ZNF438: variants seen among roughly 807,000 people sequenced by gnomAD.
ZNF438 encodes the protein zinc finger protein 438.
Under a neutral mutation model 38.0 loss-of-function variants are expected in ZNF438, and 25 were observed. That is an observed-to-expected ratio of 0.66 (90% CI 0.48 to 0.92). ZNF438 has a LOEUF of 0.92. Among genes scored for constraint, ZNF438 ranks in the 40% least tolerant of loss-of-function variants. The pLI is 0.00. For synonymous variants in ZNF438, 372 were observed against 364.1 expected, an observed-to-expected ratio of 1.02 and a Z score of -0.25; for missense variants, 1,007 against 999.6, an observed-to-expected ratio of 1.01 and a Z score of -0.10.
At chr10:30,845,195 G>A in exon 6 of ZNF438, 1 of 1,614,196 alleles carries the variant, frequency 6.2e-7, no homozygotes, top group Non-Finnish European at 8.5e-7. Flanking sequence ...CCCTTGGCTT[G>A]TTGGTTCCTG....
chr10:30,848,817 T>G, exon 5 of ZNF438: 1 of 1,614,226 alleles, frequency 6.2e-7, no homozygotes. Context: ...CGTCTGTTGG[T>G]GTGTGTATTC....
intron 2 of ZNF438, among the ~76,000 whole-genome samples, chr10:30,928,127 G>A (rs530396488): frequency 2.0e-5 from 3 of 152,132 alleles, no homozygotes; most frequent in South Asian, 4.2e-4. Context: ...AAAGAGAGGC[G>A]ACGGAACTCC....
At chr10:30,889,113 C>T (rs1260827310) in intron 3 of ZNF438, among the ~76,000 whole-genome samples, 1 of 152,154 alleles carries the variant, frequency 6.6e-6, no homozygotes, top group African/African-American at 2.4e-5. Context: ...TAATAGTACT[C>T]ATCATTTGCT....
chr10:30,964,554 G>A (rs998834807), intron 1 of ZNF438, among the ~76,000 whole-genome samples: 1 of 152,218 alleles, frequency 6.6e-6, no homozygotes, highest in African/African-American at 2.4e-5. Context: ...GCAAGTATTT[G>A]TTGACTGACG....
exon 5 of ZNF438, chr10:30,849,159 T>C: frequency 6.2e-7 from 1 of 1,613,876 alleles, no homozygotes; most frequent in Non-Finnish European, 8.5e-7. Flanking sequence ...GGATCATTTT[T>C]TACTCTTTCT....
intron 1 of ZNF438, among the ~76,000 whole-genome samples, chr10:30,954,121 C>T (rs1052819063): frequency 6.6e-5 from 10 of 152,034 alleles, no homozygotes; most frequent in South Asian, 2.1e-4. Context: ...CCAGCCCAGG[C>T]GACAGTGCGA....
intron 4 of ZNF438, among the ~76,000 whole-genome samples, chr10:30,851,127 G>A (rs1229325106): frequency 6.6e-6 from 1 of 152,156 alleles, no homozygotes; most frequent in Non-Finnish European, 1.5e-5. Context: ...AAAACAGAAA[G>A]ATACAAAGTG....
At chr10:30,881,589 C>T (rs1709293822) in intron 3 of ZNF438, among the ~76,000 whole-genome samples, 1 of 151,948 alleles carries the variant, frequency 6.6e-6, no homozygotes, top group Admixed American at 6.6e-5. Context: ...CAATGTGATC[C>T]TAATCAAAAT....
intron 4 of ZNF438, among the ~76,000 whole-genome samples, chr10:30,862,189 T>TC (rs2035694391): frequency 6.6e-6 from 1 of 152,316 alleles, no homozygotes; most frequent in Non-Finnish European, 1.5e-5. Context: ...CAGCTGTTTC[T>TC]CAATGGGGCT....
chr10:31,010,892 G>GAAAAAAAAAAAAAAAAAAA (rs563189482), intron 1 of ZNF438, among the ~76,000 whole-genome samples: 3 of 92,594 alleles, frequency 3.2e-5, no homozygotes, highest in African/African-American at 1.1e-4. Context: ...GACCCTGTTT[G>GAAAAAAAAAAAAAAAAAAA]AAAAAAAAAA....
chr10:30,939,009 T>G (rs960288775), intron 2 of ZNF438, among the ~76,000 whole-genome samples: 1 of 152,024 alleles, frequency 6.6e-6, no homozygotes, highest in Non-Finnish European at 1.5e-5. Flanking sequence ...TTAGCCAGGA[T>G]GGTCTCAATC....
rs148015743 is a variant in ZNF438 at position 30,985,117 on chromosome 10, T to C, written c.-191-43466A>G. Among the ~76,000 whole-genome samples the C allele has an allele frequency of 6.0e-4, 92 of 152,302 alleles. 1 individual carries two copies. In the East Asian group the frequency reaches 0.011, roughly 19 times the overall value. Reference sequence around the variant, plus strand: ...CACCTAGCAGTAACCCATTTCTAAATGTACTAAATGTACTGTAACTGATAC... The same window carrying C: ...CACCTAGCAGTAACCCATTTCTAAACGTACTAAATGTACTGTAACTGATAC... On this transcript the variant is annotated intron_variant, in intron 1 of 5. Coordinates refer to ENST00000413025, the Ensembl canonical transcript of ZNF438.
intron 2 of ZNF438, chr10:30,923,339 T>C (rs994450296): frequency 3.3e-5 from 5 of 152,362 alleles, no homozygotes; most frequent in African/African-American, 9.6e-5. Context: ...ATCATCTTTT[T>C]CTCTTGTACT....
exon 6 of ZNF438, chr10:30,845,244 T>C (rs1341396423): frequency 1.9e-6 from 3 of 1,614,052 alleles, no homozygotes; most frequent in Admixed American, 1.7e-5. Flanking sequence ...TTCCACGCCA[T>C]TCTGATGAAG....
intron 1 of ZNF438, among the ~76,000 whole-genome samples, chr10:30,948,214 AAACAG>A (rs1198918329): frequency 6.6e-6 from 1 of 152,206 alleles, no homozygotes; most frequent in Non-Finnish European, 1.5e-5. Context: ...GAAAACTAAC[AAACAG>A]AAAAGACATC....
chr10:30,933,151 T>C (rs1178160669), intron 2 of ZNF438, among the ~76,000 whole-genome samples: 1 of 152,246 alleles, frequency 6.6e-6, no homozygotes, highest in Admixed American at 6.5e-5. Context: ...CCAATCAATT[T>C]GCTATTTCCA....
At chr10:30,960,295 A>G (rs1034058805) in intron 1 of ZNF438, among the ~76,000 whole-genome samples, 1 of 147,080 alleles carries the variant, frequency 6.8e-6, no homozygotes, top group African/African-American at 2.4e-5. Flanking sequence ...CAAATTCATC[A>G]ATTTTTTATC....
At position 30,979,420 on chromosome 10, in the gene ZNF438, T is replaced by G. The variant is rs1170606328; in HGVS notation, c.-191-37769A>C. 2.0e-5 allele frequency among the ~76,000 whole-genome samples: 3 copies of G among 152,150 alleles called. No individual in the cohort carries two copies. The East Asian group carries it at 5.8e-4, about 29-fold the overall frequency. On this transcript the variant is annotated intron_variant, in intron 1 of 5. Coordinates refer to ENST00000413025, the Ensembl canonical transcript of ZNF438. ...AAAACTGGATAGAACTACTTTAAAC[T>G]GCATATGGAACCAAAAAAGAGCCTG...
chr10:30,917,275 T>C (rs1170364234), intron 2 of ZNF438, among the ~76,000 whole-genome samples: 2 of 152,098 alleles, frequency 1.3e-5, no homozygotes, highest in African/African-American at 4.8e-5. Context: ...AGTTTCTGGC[T>C]AGTATGATTG....
Sources: gnomAD v4.1 joint callset for allele counts (sites outside exome capture counted in the v4.1 genomes callset) on GRCh38, gnomAD v4.1.1 for gene constraint, MANE v1.5 for transcripts, NCBI Gene and HGNC (gene_info 2026-07-23, HGNC 2026-07-21) for gene names.